The following RORA variants were observed in gnomAD, a reference collection of about 807,000 sequenced individuals.
RORA encodes RAR related orphan receptor A.
RORA carries 7 observed loss-of-function variants against 69.5 expected under a neutral mutation model. That is an observed-to-expected ratio of 0.10 (90% CI 0.06 to 0.19). The LOEUF (loss-of-function observed/expected upper bound fraction) is 0.19, where lower values mean the gene tolerates loss of function less well. RORA is among the 10% of genes least tolerant of loss of function. RORA has a pLI of 1.00. For synonymous variants in RORA, 261 were observed against 240.8 expected (o/e 1.08, Z -0.78); for missense variants, 457 against 663.0 (o/e 0.69, Z 3.41).
intron 2 of RORA, among the ~76,000 whole-genome samples, chr15:60,555,563 C>T (rs1163526435): frequency 6.6e-6 from 1 of 152,022 alleles, no homozygotes; most frequent in Non-Finnish European, 1.5e-5. Context: ...GAATTAGTGG[C>T]AATGTTAAAA....
intron 1 of RORA, among the ~76,000 whole-genome samples, chr15:60,897,034 T>G (rs1054740771): frequency 9.2e-5 from 14 of 152,232 alleles, no homozygotes; most frequent in African/African-American, 3.1e-4. Context: ...GAAGGCAGCT[T>G]CAGGAGTGGG....
chr15:60,980,530 T>A (rs114389396), intron 1 of RORA, among the ~76,000 whole-genome samples: 364 of 152,208 alleles, frequency 2.4e-3, no homozygotes, highest in African/African-American at 8.6e-3. Context: ...TTGTTAGAAG[T>A]TTTTTCTTGC....
chr15:61,179,306 G>A (rs1208459099), intron 1 of RORA, among the ~76,000 whole-genome samples: 1 of 152,324 alleles, frequency 6.6e-6, no homozygotes, highest in East Asian at 1.9e-4. Context: ...GTTACATGAT[G>A]TGTGATACCA....
At chr15:61,064,895 A>T (rs1324888316) in intron 1 of RORA, among the ~76,000 whole-genome samples, 1 of 152,096 alleles carries the variant, frequency 6.6e-6, no homozygotes, top group Admixed American at 6.5e-5. Flanking sequence ...ACACATAATG[A>T]AGCTGCTTCA....
chr15:60,619,797 G>A (rs951787976), intron 2 of RORA, among the ~76,000 whole-genome samples: 3 of 152,224 alleles, frequency 2.0e-5, no homozygotes, highest in African/African-American at 7.2e-5. Context: ...AAGATTTCAG[G>A]GCTTTATGCT....
intron 1 of RORA, among the ~76,000 whole-genome samples, chr15:61,178,413 C>G (rs1257693298): frequency 1.3e-5 from 2 of 152,052 alleles, no homozygotes; most frequent in African/African-American, 2.4e-5. Context: ...ATTTTAAATA[C>G]ATTGCCCTAA....
rs533403919 is a variant in RORA, at chr15:61,159,116, C to CA, written c.166+69936dup. ...GACAAATCAGACTCTGATTTAAGAA[C>CA]AACTTCCTACCCTTTGTTAACTGGA... On this transcript the variant is annotated intron_variant, in intron 1 of 10. Coordinates refer to ENST00000335670, the MANE Select transcript of RORA (RefSeq NM_134261.3). Among the ~76,000 whole-genome samples the CA allele has an allele frequency of 8.5e-5, 13 of 152,204 alleles. No homozygotes were observed. The East Asian group carries it at 2.3e-3, about 27-fold the overall frequency.
At chr15:60,500,064 TCTC>T in intron 9 of RORA, 60 bp from the exon 10 acceptor site, 1 of 1,034,824 alleles carries the variant, frequency 9.7e-7, no homozygotes, top group South Asian at 1.4e-5. Context: ...GGATCCTTCT[TCTC>T]CGGATTCTTT....
chr15:60,779,216 C>T (rs2072218587), intron 1 of RORA, among the ~76,000 whole-genome samples: 2 of 152,138 alleles, frequency 1.3e-5, no homozygotes, highest in Admixed American at 6.5e-5. Context: ...TAATGAAAAC[C>T]CGTCCTAGGA....
intron 1 of RORA, among the ~76,000 whole-genome samples, chr15:60,779,977 G>A (rs2072230501): frequency 6.6e-6 from 1 of 152,064 alleles, no homozygotes; most frequent in South Asian, 2.1e-4. Flanking sequence ...AAAGCACTTG[G>A]GGGTTTTCAG....
chr15:60,834,883 C>A (rs1252125003), intron 1 of RORA, among the ~76,000 whole-genome samples: 2 of 152,098 alleles, frequency 1.3e-5, no homozygotes, highest in Admixed American at 1.3e-4. Context: ...TCCTTCAGGA[C>A]CCTCATCTTC....
intron 9 of RORA, among the ~76,000 whole-genome samples, chr15:60,500,518 C>A (rs566681243): frequency 6.6e-6 from 1 of 151,672 alleles, no homozygotes; most frequent in Non-Finnish European, 1.5e-5. Context: ...AAGTGATTAT[C>A]CCCAAACATG....
At chr15:60,643,320 A>C (rs1411874449) in intron 2 of RORA, among the ~76,000 whole-genome samples, 1 of 152,212 alleles carries the variant, frequency 6.6e-6, no homozygotes, top group Non-Finnish European at 1.5e-5. Flanking sequence ...CTAATGACCT[A>C]GGCCCAGAGA....
intron 4 of RORA, among the ~76,000 whole-genome samples, chr15:60,513,183 C>T (rs2065759658): frequency 6.6e-6 from 1 of 152,200 alleles, no homozygotes. Context: ...TTTCCAGTTT[C>T]CACAACTCAG....
chr15:61,048,377 T>C (rs1897137662), intron 1 of RORA, among the ~76,000 whole-genome samples: 1 of 152,236 alleles, frequency 6.6e-6, no homozygotes, highest in South Asian at 2.1e-4. Context: ...CCAGGCCTTC[T>C]GAGGCATTAG....
intron 1 of RORA, among the ~76,000 whole-genome samples, chr15:60,999,866 A>G (rs1431070373): frequency 6.6e-6 from 1 of 152,248 alleles, no homozygotes; most frequent in Non-Finnish European, 1.5e-5. Context: ...AGAGGATCAG[A>G]TTCTGGAGGC....
chr15:60,586,496 A>G (rs73422096), intron 2 of RORA, among the ~76,000 whole-genome samples: 17 of 152,154 alleles, frequency 1.1e-4, no homozygotes, highest in African/African-American at 3.4e-4. Context: ...GTGTTACAGT[A>G]CTAGTCTTCA....
Position 60,501,022 on chromosome 15 carries a change from A to G in RORA, c.1231T>C (p.Cys411Arg), listed in dbSNP as rs2065314759. Residue 411 changes from cysteine (C) to arginine (R), a missense_variant, in exon 9 of 11, where the codon TGT becomes CGT. By Grantham distance (180) the Cys-to-Arg change is radical. Around this residue, in one of 3 missense-constraint regions of RORA, gnomAD observed 304 missense variants for 447.4 expected, o/e 0.68. Transcript: ENST00000335670. ...SFVFEFGKSL[C>R]SMHLTEDEIA... Reference sequence around the variant, plus strand: ...TCATCTTCAGTCAGGTGCATAGAACATAAACTCTTTCCAAATTCAAACACA... The same window carrying G: ...TCATCTTCAGTCAGGTGCATAGAACGTAAACTCTTTCCAAATTCAAACACA... The G allele has an allele frequency of 6.2e-7, 1 of 1,611,526 alleles. No homozygotes were observed. Among genetic ancestry groups the G allele is most frequent in the Non-Finnish European group, 8.5e-7 (1 of 1,177,832 alleles).
intron 1 of RORA, among the ~76,000 whole-genome samples, chr15:61,210,761 T>C (rs558404582): frequency 6.6e-6 from 1 of 152,370 alleles, no homozygotes; most frequent in East Asian, 1.9e-4. Flanking sequence ...CAACTAGACT[T>C]ACGGTCATAA....
Sources: allele counts gnomAD v4.1 joint callset (sites outside exome capture counted in the v4.1 genomes callset), GRCh38; gene constraint gnomAD v4.1.1; regional missense constraint gnomAD v4.1.1; transcripts MANE v1.5; gene names NCBI Gene and HGNC (gene_info 2026-07-23, HGNC 2026-07-21).